Variants in BLTP1 observed in about 807,000 individuals in gnomAD.
The protein encoded by BLTP1 is fragile site-associated protein.
the BLTP1 span, chr4:122,199,313 T>A: frequency 6.3e-7 from 1 of 1,599,320 alleles, no homozygotes; most frequent in Non-Finnish European, 8.5e-7. Context: ...ATGTTTCATT[T>A]TGTAATTGTT....
chr4:122,331,340 A>G, the BLTP1 span: 1 of 1,610,518 alleles, frequency 6.2e-7, no homozygotes, highest in Admixed American at 1.7e-5. Context: ...ACGTCTCGTA[A>G]AAAAGCAACA....
At chr4:122,240,047 A>G in the BLTP1 span, 2 of 1,614,196 alleles carry the variant, frequency 1.2e-6, no homozygotes, top group South Asian at 1.1e-5. Context: ...GAACTCTGCC[A>G]TTCAAAACTC....
the BLTP1 span, chr4:122,208,324 G>A: frequency 6.0e-5 from 49 of 823,016 alleles, no homozygotes; most frequent in African/African-American, 8.7e-4. Flanking sequence ...GAGTTATTGG[G>A]CAGTATAGCT....
the BLTP1 span, among the ~76,000 whole-genome samples, chr4:122,213,676 T>G: frequency 6.6e-6 from 1 of 152,104 alleles, no homozygotes; most frequent in Non-Finnish European, 1.5e-5. Context: ...AGACCTGGCA[T>G]TATCATTAAA....
chr4:122,169,474 T>A, the BLTP1 span: 1 of 221,578 alleles, frequency 4.5e-6, no homozygotes, highest in Non-Finnish European at 7.4e-6. Context: ...TGTGATTAAG[T>A]CTAGCTTTTT....
At chr4:122,336,760 A>G in the BLTP1 span, 1 of 1,285,776 alleles carries the variant, frequency 7.8e-7, no homozygotes, top group Admixed American at 3.2e-5. Context: ...GAAGGGCTAC[A>G]GAAGCAAATG....
chr4:122,191,910 A>C, the BLTP1 span, among the ~76,000 whole-genome samples: 1 of 152,144 alleles, frequency 6.6e-6, no homozygotes, highest in Non-Finnish European at 1.5e-5. Flanking sequence ...TGTTTTAGAA[A>C]ATAGTTATTC....
At chr4:122,278,138 G>A in the BLTP1 span, among the ~76,000 whole-genome samples, 1 of 151,734 alleles carries the variant, frequency 6.6e-6, no homozygotes, top group South Asian at 2.1e-4. Context: ...AGTTACGAGG[G>A]GGCTTCACAA....
At chr4:122,208,446 C>T in the BLTP1 span, 1 of 982,452 alleles carries the variant, frequency 1.0e-6, no homozygotes, top group Non-Finnish European at 1.2e-6. Context: ...AAATGAAGAT[C>T]CTTTGATTTG....
chr4:122,162,898 G>T, the BLTP1 span, among the ~76,000 whole-genome samples: 1 of 152,090 alleles, frequency 6.6e-6, no homozygotes, highest in African/African-American at 2.4e-5. Flanking sequence ...TTTCTCTGTT[G>T]TTCCTGTTCT....
the BLTP1 span, chr4:122,247,593 G>A: frequency 8.6e-7 from 1 of 1,166,852 alleles, no homozygotes; most frequent in Non-Finnish European, 1.1e-6. Flanking sequence ...CCCAAATTAG[G>A]AACTTCTATT....
chr4:122,215,740 G>A, the BLTP1 span, among the ~76,000 whole-genome samples: 4 of 151,962 alleles, frequency 2.6e-5, no homozygotes, highest in Admixed American at 2.6e-4. Context: ...TTTTGGTTAC[G>A]TGGATAAGTT....
At chr4:122,290,124 TC>T in the BLTP1 span, among the ~76,000 whole-genome samples, 1 of 152,174 alleles carries the variant, frequency 6.6e-6, no homozygotes, top group South Asian at 2.1e-4. Context: ...GCAGCCAGTT[TC>T]CTTGATTCTC....
chr4:122,170,907 A>G, the BLTP1 span, among the ~76,000 whole-genome samples: 12 of 152,122 alleles, frequency 7.9e-5, no homozygotes, highest in Admixed American at 5.9e-4. Context: ...TTGTTCTGGA[A>G]ACTGCTCTGA....
At chr4:122,337,626 CTTT>C in the BLTP1 span, among the ~76,000 whole-genome samples, 1 of 151,726 alleles carries the variant, frequency 6.6e-6, no homozygotes, top group Admixed American at 6.6e-5. Flanking sequence ...AGTTAAAACC[CTTT>C]TTTAAGCATT....
At chr4:122,179,991 C>G in the BLTP1 span, 2 of 983,922 alleles carry the variant, frequency 2.0e-6, no homozygotes, top group Middle Eastern at 5.2e-4. Flanking sequence ...GGCACTTCTT[C>G]CAAAGGCATC....
the BLTP1 span, chr4:122,153,056 G>GCTGCA: frequency 1.6e-5 from 16 of 984,132 alleles, no homozygotes; most frequent in Non-Finnish European, 1.8e-5. Flanking sequence ...ATTGGTGCTT[G>GCTGCA]CTGCACTGCA....
At chr4:122,187,810 T>G in the BLTP1 span, 1 of 1,385,744 alleles carries the variant, frequency 7.2e-7, no homozygotes, top group South Asian at 1.4e-5. Flanking sequence ...TTTGAAAATG[T>G]TTGTTATTAG....
At chr4:122,292,607 A>G in the BLTP1 span, 1 of 932,538 alleles carries the variant, frequency 1.1e-6, no homozygotes, top group Non-Finnish European at 1.3e-6. Context: ...ATTTCGCTCT[A>G]CTTAAGTAAG....
Sources: allele counts gnomAD v4.1 joint callset (sites outside exome capture counted in the v4.1 genomes callset), GRCh38; gene constraint gnomAD v4.1.1; transcripts MANE v1.5; gene names NCBI Gene and HGNC (gene_info 2026-07-23, HGNC 2026-07-21).